The following SPATA45 variants were observed in gnomAD, a reference collection of about 807,000 sequenced individuals.
SPATA45 encodes spermatogenesis-associated protein 45.
Under a neutral mutation model 7.0 loss-of-function variants are expected in SPATA45, and 5 were observed. That is an observed-to-expected ratio of 0.71 (90% CI 0.37 to 1.50). SPATA45 has a LOEUF of 1.50. Among genes scored for constraint, SPATA45 ranks in the 40% most tolerant of loss-of-function variants. SPATA45 has a pLI of 0.03. For synonymous variants in SPATA45, 40 were observed against 38.7 expected (o/e 1.03, Z -0.13); for missense variants, 111 against 114.9 (o/e 0.97, Z 0.16).
In SPATA45 at chr1:212,836,194, A is replaced by C; in HGVS notation, c.-38-7T>G. 6.6e-7 allele frequency: 1 copy of C among 1,505,648 alleles called. No individual in the cohort carries two copies. Among genetic ancestry groups the C allele is most frequent in the Admixed American group, 1.9e-5 (1 of 51,282 alleles). The allele number at this position is 1,505,648 out of a possible 1,614,324, so 93.3% of individuals were successfully genotyped here. A position where few individuals can be genotyped will look rare whatever the true frequency, so the allele number is the denominator to read the frequency against. On this transcript the variant is annotated splice_region_variant and splice_polypyrimidine_tract_variant and intron_variant, in intron 1 of 2. Coordinates refer to ENST00000332912, the MANE Select transcript of SPATA45 (RefSeq NM_001024601.3). Reference sequence around the variant, plus strand: ...TCAAGTGATTCTTGCTGTCCTACAAACAAATGAAAAAATACTTTCAATTGT... The same window carrying C: ...TCAAGTGATTCTTGCTGTCCTACAACCAAATGAAAAAATACTTTCAATTGT...
chr1:212,830,255 G>T lies in SPATA45; in HGVS notation c.284C>A (p.Ala95Asp). ...TGGAGATGCACTTTATCCAAATATG[G>T]CATTATCTGAAAAAATAAAAAATAA... ...ERKHFPPKNNAIFG is the reference protein window; with the variant it reads ...ERKHFPPKNNDIFG The change falls in exon 3 of 3, where the codon GCC (alanine) becomes GAC (aspartate). Residue 95 changes from alanine (A) to aspartate (D), a missense_variant. Transcript: ENST00000332912. 6.6e-7 allele frequency: 1 copy of T among 1,519,778 alleles called. No homozygotes were observed. Among genetic ancestry groups the T allele is most frequent in the East Asian group, 2.3e-5 (1 of 43,552 alleles). 94.1% of individuals were successfully genotyped at this position (1,519,778 alleles called of 1,614,324 possible).
intron 1 of SPATA45, among the ~76,000 whole-genome samples, chr1:212,838,569 C>G (rs1192170322): frequency 6.6e-6 from 1 of 151,708 alleles, no homozygotes; most frequent in Non-Finnish European, 1.5e-5. Flanking sequence ...GGTATTTACC[C>G]TAGAGCAATG....
chr1:212,840,356 G>A (rs904475584), intron 1 of SPATA45, among the ~76,000 whole-genome samples: 6 of 152,198 alleles, frequency 3.9e-5, no homozygotes, highest in Non-Finnish European at 8.8e-5. Flanking sequence ...GTTATAGTGA[G>A]CGGAGATCGT....
intron 1 of SPATA45, among the ~76,000 whole-genome samples, chr1:212,841,796 C>A (rs1384982181): frequency 6.6e-6 from 1 of 152,068 alleles, no homozygotes; most frequent in Non-Finnish European, 1.5e-5. Context: ...CTCACTCTGT[C>A]ACCCAGGCTG....
At position 212,835,951 on chromosome 1, in the gene SPATA45, C is replaced by A; in HGVS notation, c.199G>T (p.Val67Phe). Residue 67 changes from valine to phenylalanine, a missense_variant, in exon 2 of 3, where the codon GTT becomes TTT. Physicochemically the swap from Val to Phe is conservative, Grantham distance 50. Coordinates refer to ENST00000332912, the MANE Select transcript of SPATA45 (RefSeq NM_001024601.3). ...CAGGAGCTCCTGCCACTGTTGGGAACAGGCTCTTTGGTTGTGGTATCAGTA... is the reference window on the plus strand; with the variant it reads ...CAGGAGCTCCTGCCACTGTTGGGAAAAGGCTCTTTGGTTGTGGTATCAGTA... ...SFTDTTTKEP[V>F]PNSGRSSWIK... The A allele has an allele frequency of 6.2e-7, 1 of 1,610,456 alleles. No homozygotes were observed. The highest frequency in any genetic ancestry group is 8.5e-7 in the Non-Finnish European group (1 of 1,177,168).
intron 1 of SPATA45, among the ~76,000 whole-genome samples, chr1:212,843,139 A>ACACACACACT (rs1229697163): frequency 1.4e-5 from 2 of 144,398 alleles, no homozygotes; most frequent in African/African-American, 5.3e-5. Context: ...ACACACACAC[A>ACACACACACT]CTTAGCTGGG....
chr1:212,838,095 G>A (rs966569852), intron 1 of SPATA45, among the ~76,000 whole-genome samples: 2 of 151,508 alleles, frequency 1.3e-5, no homozygotes, highest in African/African-American at 4.8e-5. Flanking sequence ...GAGGTCAGGA[G>A]TTCGAGACCA....
At chr1:212,845,065 G>A (rs951010692) in intron 1 of SPATA45, among the ~76,000 whole-genome samples, 1 of 152,122 alleles carries the variant, frequency 6.6e-6, no homozygotes, top group Non-Finnish European at 1.5e-5. Flanking sequence ...AATGGTTCTT[G>A]GACCAAGGAA....
At chr1:212,845,512 G>A (rs113874356) in intron 1 of SPATA45, among the ~76,000 whole-genome samples, 3,498 of 152,154 alleles carry the variant, frequency 0.023, 63 homozygotes, top group South Asian at 0.041. Flanking sequence ...ATAATGGACC[G>A]GCCTTTATTA....
At chr1:212,844,046 C>T (rs1263314955) in intron 1 of SPATA45, among the ~76,000 whole-genome samples, 1 of 152,138 alleles carries the variant, frequency 6.6e-6, no homozygotes, top group Non-Finnish European at 1.5e-5. Context: ...ACTAGCTCTC[C>T]CTAACTCATC....
chr1:212,841,861 G>GAGAA, intron 1 of SPATA45, among the ~76,000 whole-genome samples: 1 of 151,958 alleles, frequency 6.6e-6, no homozygotes, highest in East Asian at 2.0e-4. Flanking sequence ...GGGTTCAAGA[G>GAGAA]GTTCTCATGC....
intron 2 of SPATA45, among the ~76,000 whole-genome samples, chr1:212,831,536 A>G (rs929088036): frequency 8.6e-5 from 13 of 151,130 alleles, no homozygotes; most frequent in African/African-American, 3.1e-4. Flanking sequence ...CAGAGGCAAA[A>G]CTTGAACCCA....
chr1:212,838,162 G>A (rs775314826), intron 1 of SPATA45, among the ~76,000 whole-genome samples: 4 of 151,082 alleles, frequency 2.6e-5, no homozygotes, highest in African/African-American at 4.8e-5. Flanking sequence ...AAAATTAACC[G>A]GGCATGGTGG....
chr1:212,842,715 G>A (rs2102513690), intron 1 of SPATA45, among the ~76,000 whole-genome samples: 2 of 152,264 alleles, frequency 1.3e-5, no homozygotes, highest in South Asian at 4.2e-4. Context: ...GCTCACGCCT[G>A]TGATCCCAAC....
intron 1 of SPATA45, among the ~76,000 whole-genome samples, chr1:212,842,822 C>G (rs1663711987): frequency 2.6e-5 from 4 of 152,004 alleles, no homozygotes; most frequent in African/African-American, 9.7e-5. Context: ...GGCGTGGTGG[C>G]TCACGCCTGT....
chr1:212,838,095 G>T (rs966569852), intron 1 of SPATA45, among the ~76,000 whole-genome samples: 1 of 151,508 alleles, frequency 6.6e-6, no homozygotes, highest in Non-Finnish European at 1.5e-5. Flanking sequence ...GAGGTCAGGA[G>T]TTCGAGACCA....
chr1:212,845,241 C>A (rs1663770773), intron 1 of SPATA45, among the ~76,000 whole-genome samples: 1 of 152,194 alleles, frequency 6.6e-6, no homozygotes, highest in African/African-American at 2.4e-5. Context: ...ATCTACTATT[C>A]TACTACCCCT....
At chr1:212,834,843 C>T (rs887020419) in intron 2 of SPATA45, among the ~76,000 whole-genome samples, 2 of 151,592 alleles carry the variant, frequency 1.3e-5, no homozygotes, top group Admixed American at 6.6e-5. Context: ...TTTGTAAAGG[C>T]CAGAGAAATT....
chr1:212,842,934 A>C (rs1663715786), intron 1 of SPATA45, among the ~76,000 whole-genome samples: 1 of 147,762 alleles, frequency 6.8e-6, no homozygotes, highest in Non-Finnish European at 1.5e-5. Flanking sequence ...TAAAAATACA[A>C]AAAAAAAAAA....
Sources: allele counts gnomAD v4.1 joint callset (sites outside exome capture counted in the v4.1 genomes callset), GRCh38; gene constraint gnomAD v4.1.1; transcripts MANE v1.5; gene names NCBI Gene and HGNC (gene_info 2026-07-23, HGNC 2026-07-21).